The following KRT1 variants were observed in gnomAD, a reference collection of about 807,000 sequenced individuals.
KRT1 encodes keratin 1.
A neutral mutation model predicts 51.6 loss-of-function variants in KRT1; 28 were observed. The observed-to-expected ratio is 0.54, with a 90% CI of 0.40 to 0.74. The LOEUF (loss-of-function observed/expected upper bound fraction) is 0.74. Ranked by LOEUF, KRT1 falls within the 30% of genes least tolerant of loss-of-function variation. The pLI is 0.00. For synonymous variants in KRT1, 301 were observed against 307.7 expected (o/e 0.98, Z 0.23); for missense variants, 783 against 815.5 (o/e 0.96, Z 0.49).
chr12:52,675,111 A>C lies in KRT1; in HGVS notation c.*82T>G. Reference sequence around the variant, plus strand: ...AGCTCTTTTCTCCGGTAAGGCTGGGACAAATCGACCTCGGTCTTGCCAAGC... The same window carrying C: ...AGCTCTTTTCTCCGGTAAGGCTGGGCCAAATCGACCTCGGTCTTGCCAAGC... On this transcript the variant is annotated 3_prime_UTR_variant, in exon 9 of 9. Coordinates refer to ENST00000252244, the MANE Select transcript of KRT1 (RefSeq NM_006121.4). The C allele has an allele frequency of 1.3e-6, 2 of 1,548,478 alleles. No homozygotes were observed. Among genetic ancestry groups the C allele is most frequent in the Non-Finnish European group, 1.8e-6 (2 of 1,121,884 alleles).
chr12:52,679,801 T>C lies in KRT1; in HGVS notation c.548A>G (p.Gln183Arg). Residue 183 changes from glutamine to arginine, a missense_variant, in exon 1 of 9, where the codon CAA (glutamine) becomes CGA (arginine). Physicochemically the swap from Gln to Arg is conservative, Grantham distance 43. Coordinates refer to ENST00000252244, the MANE Select transcript of KRT1 (RefSeq NM_006121.4). ...AAATTGGTTGTTGAGTGACTTGATT[T>C]GCTCCCTTTCTCGAGACTTCACCTT... ...IQKVKSRERE[Q>R]IKSLNNQFAS... is the part of the protein sequence containing the mutation. The C allele has an allele frequency of 6.2e-7, 1 of 1,614,188 alleles. No individual in the cohort carries two copies.
Position 52,675,412 on chromosome 12 carries a change from G to T in KRT1, c.1716C>A (p.Gly572=). ...CGGAGCCGTAGCTGCCATGGCCGCC[G>T]CCGCCACCTCCAGAGCCATAGCTGC... ...GGGSYGSGGG[G]GGHGSYGSGS... Residue 572 remains glycine (G), a synonymous_variant, in exon 9 of 9, where the codon GGC becomes GGA. Coordinates refer to ENST00000252244, the MANE Select transcript of KRT1 (RefSeq NM_006121.4). 5 of 1,510,700 alleles carry T rather than the reference G, an allele frequency of 3.3e-6. No homozygotes were observed. The highest frequency in any genetic ancestry group is 2.4e-5 in the East Asian group (1 of 42,096). The allele number at this position is 1,510,700 out of a possible 1,614,324, so 93.6% of individuals were successfully genotyped here. A position where few individuals can be genotyped will look rare whatever the true frequency, so the allele number is the denominator to read the frequency against.
chr12:52,677,665 T>A lies in KRT1; in HGVS notation c.948A>T (p.Thr316=). The A allele has an allele frequency of 6.2e-7, 1 of 1,614,198 alleles. No individual in the cohort carries two copies. The highest frequency in any genetic ancestry group is 8.5e-7 in the Non-Finnish European group (1 of 1,180,010). ...DNLQQEIDFL[T]ALYQAELSQM... ...GAAGACTTACTGCTTGGTAGAGTGCTGTAAGGAAATCAATTTCCTGCTGCA... is the reference window on the plus strand; with the variant it reads ...GAAGACTTACTGCTTGGTAGAGTGCAGTAAGGAAATCAATTTCCTGCTGCA... Residue 316 remains threonine, a synonymous_variant, in exon 4 of 9, where the codon ACA becomes ACT. Coordinates refer to ENST00000252244, the MANE Select transcript of KRT1 (RefSeq NM_006121.4).
intron 4 of KRT1, 25 bp downstream of exon 4, chr12:52,677,625 A>C: frequency 6.2e-7 from 1 of 1,611,604 alleles, no homozygotes; most frequent in Admixed American, 1.7e-5. Context: ...ATTTAGATAA[A>C]CTTGGTTGAA....
chr12:52,680,154 C>T lies in KRT1; in HGVS notation c.195G>A (p.Arg65=), dbSNP rs947006013. 6.2e-7 allele frequency: 1 copy of T among 1,602,012 alleles called. No homozygotes were observed. Among genetic ancestry groups the T allele is most frequent in the South Asian group, 1.1e-5 (1 of 89,710 alleles). Residue 65 remains arginine (R), a synonymous_variant, in exon 1 of 9, where the codon CGG becomes CGA. Coordinates refer to ENST00000252244, the MANE Select transcript of KRT1 (RefSeq NM_006121.4). The part of the protein sequence containing the change: ...SFGAGGGFGS[R]SLVNLGGSKS... ...TACTGCCACCAAGGTTAACAAGACT[C>T]CGACTTCCAAATCCACCACCAGCAC... is the stretch of plus-strand genomic sequence containing the variant.
intron 1 of KRT1, 114 bp downstream of exon 1, chr12:52,679,644 T>A: frequency 1.1e-6 from 1 of 945,656 alleles, no homozygotes; most frequent in East Asian, 2.4e-5. Flanking sequence ...CCACAAAACA[T>A]CCTTTTAATC....
rs936205551 is a variant in KRT1, at chr12:52,677,068, G to A, written c.1245C>T (p.Val415=). 5.0e-6 allele frequency: 8 copies of A among 1,613,230 alleles called. No homozygotes were observed. The African/African-American group carries it at 1.1e-4, about 22-fold the overall frequency. Residue 415 remains valine (V), a synonymous_variant, in exon 6 of 9, where the codon GTC becomes GTT. Coordinates refer to ENST00000252244, the MANE Select transcript of KRT1 (RefSeq NM_006121.4). ...AGGAGAAAGCACATACCTGCTTCTT[G>A]ACATTGTCGATTTCAGATCTAAGTC... The part of the protein sequence containing the change: ...IQRLRSEIDN[V]KKQISNLQQS...
At chr12:52,676,240 G>A (rs981198329) in intron 7 of KRT1, 35 bp downstream of exon 7, 43 of 1,532,092 alleles carry the variant, frequency 2.8e-5, no homozygotes, top group Non-Finnish European at 3.6e-5. Context: ...GGAAGACCAT[G>A]AGAAGAGGTT....
chr12:52,679,936 C>G lies in KRT1; in HGVS notation c.413G>C (p.Gly138Ala). Residue 138 changes from glycine (G) to alanine (A), a missense_variant, in exon 1 of 9, where the codon GGA (glycine) becomes GCA (alanine). Coordinates refer to ENST00000252244, the MANE Select transcript of KRT1 (RefSeq NM_006121.4). ...GFGGGGFGGGGYGGGYGPVCP... is the reference protein window; with the variant it reads ...GFGGGGFGGGAYGGGYGPVCP... Reference sequence around the variant, plus strand: ...GACAGGACCATAACCACCCCCATATCCACCACCCCCAAAGCCACCTCCACC... The same window carrying G: ...GACAGGACCATAACCACCCCCATATGCACCACCCCCAAAGCCACCTCCACC... The G allele has an allele frequency of 6.2e-7, 1 of 1,613,540 alleles. No homozygotes were observed. The highest frequency in any genetic ancestry group is 8.5e-7 in the Non-Finnish European group (1 of 1,179,784).
intron 3 of KRT1, among the ~76,000 whole-genome samples, 200 bp downstream of exon 3, chr12:52,677,963 T>C (rs906566037): frequency 3.9e-5 from 6 of 152,104 alleles, no homozygotes; most frequent in Non-Finnish European, 5.9e-5. Context: ...ACTTACTATG[T>C]AAGGTGCTGG....
In KRT1 at chr12:52,676,344, A is replaced by C; in HGVS notation, c.1406T>G (p.Met469Arg). ...CAGATCCAGGGCCAGCTTTGTGTTC[A>C]TCAGCTCCTGGTAGTCGCGCAGCAG... ...ARLLRDYQELMNTKLALDLEI... is the reference protein window; with the variant it reads ...ARLLRDYQELRNTKLALDLEI... Residue 469 changes from methionine to arginine, a missense_variant, in exon 7 of 9, where the codon ATG becomes AGG. Met to Arg is a moderately conservative substitution (Grantham distance 91). Transcript: ENST00000252244. 1 of 1,614,114 alleles carries C rather than the reference A, an allele frequency of 6.2e-7. No individual in the cohort carries two copies. The highest frequency in any genetic ancestry group is 1.7e-5 in the Admixed American group (1 of 60,030).
chr12:52,677,728 A>T lies in KRT1; in HGVS notation c.885T>A (p.Tyr295Ter). The T allele has an allele frequency of 6.2e-7, 1 of 1,614,148 alleles. No homozygotes were observed. The highest frequency in any genetic ancestry group is 1.1e-5 in the South Asian group (1 of 91,078). The stretch of plus-strand genomic sequence containing the variant: ...TGGCCTGAAGGTCCACCTTGGTCAT[A>T]TAAGCACCATCCACATCCTAGAGGA... ...VTIKKDVDGA[Y>*]MTKVDLQAKL... The change falls in exon 4 of 9, where the codon TAT (tyrosine) becomes TAA (stop). Residue 295 changes from tyrosine (Y) to a stop codon, truncating the protein, a stop_gained. Transcript: ENST00000252244. LOFTEE classifies it high-confidence loss of function.
Position 52,676,447 on chromosome 12 carries a change from T to G in KRT1, c.1303A>C (p.Asn435His). The change falls in exon 7 of 9, where the codon AAT becomes CAT. Residue 435 changes from asparagine to histidine, a missense_variant. By Grantham distance (68) the Asn-to-His change is moderately conservative. Coordinates refer to ENST00000252244, the MANE Select transcript of KRT1 (RefSeq NM_006121.4). ...SISDAEQRGE[N>H]ALKDAKNKLN... ...TTGTTCTTGGCATCCTTGAGGGCAT[T>G]CTCGCCACGCTGCTCTGCATCACTG... 6.2e-7 allele frequency: 1 copy of G among 1,614,166 alleles called. No homozygotes were observed. Among genetic ancestry groups the G allele is most frequent in the Non-Finnish European group, 8.5e-7 (1 of 1,180,026 alleles).
At chr12:52,676,529 C>T (rs775473105) in intron 6 of KRT1, 34 bp from the exon 7 acceptor site, 1 of 1,604,850 alleles carries the variant, frequency 6.2e-7, no homozygotes, top group African/African-American at 1.3e-5. Context: ...TCATAATATG[C>T]ATTCCCCACT....
At chr12:52,678,045 A>G (rs1941536887) in intron 3 of KRT1, 118 bp downstream of exon 3, 2 of 956,594 alleles carry the variant, frequency 2.1e-6, no homozygotes, top group Admixed American at 1.9e-5. Context: ...CCCACTCCAT[A>G]TACTCCCCAG....
At position 52,676,468 on chromosome 12, in the gene KRT1, C is replaced by A. The variant is rs1286833438; in HGVS notation, c.1282G>T (p.Asp428Tyr). The A allele has an allele frequency of 1.9e-6, 3 of 1,614,090 alleles. No homozygotes were observed. The African/African-American group carries it at 4.0e-5, about 22-fold the overall frequency. ...GCATTCTCGCCACGCTGCTCTGCAT[C>A]ACTGATGGACTGCTGCAAGTTGGAG... The part of the protein sequence containing the change: ...QISNLQQSIS[D>Y]AEQRGENALK... The change falls in exon 7 of 9, where the codon GAT becomes TAT. Residue 428 changes from aspartate (D) to tyrosine (Y), a missense_variant. Transcript: ENST00000252244.
Position 52,680,391 on chromosome 12 carries a change from G to T in KRT1, c.-43C>A. ...TAGGAGCAAGGTAGAGTAAGGGAAG[G>T]AGCTAAACACTCCTCTACCCCAAGC... On this transcript the variant is annotated 5_prime_UTR_variant, in exon 1 of 9. Coordinates refer to ENST00000252244, the MANE Select transcript of KRT1 (RefSeq NM_006121.4). The T allele has an allele frequency of 6.4e-7, 1 of 1,556,422 alleles. No homozygotes were observed. Among genetic ancestry groups the T allele is most frequent in the Non-Finnish European group, 8.8e-7 (1 of 1,131,092 alleles).
rs757610672 is a variant in KRT1, at chr12:52,675,335, C to A, written c.1793G>T (p.Ser598Ile). 9 of 1,610,276 alleles carry A rather than the reference C, an allele frequency of 5.6e-6. No individual in the cohort carries two copies. In the South Asian group the frequency reaches 9.9e-5, roughly 18 times the overall value. ...RGGSGGGGGG[S>I]SGGRGSGGGS... ...GCCGCCAGAGCCCCGGCCGCCAGAGCTGCCGCCGCCGCCGCCTCCAGAGCC... is the reference window on the plus strand; with the variant it reads ...GCCGCCAGAGCCCCGGCCGCCAGAGATGCCGCCGCCGCCGCCTCCAGAGCC... The change falls in exon 9 of 9, where the codon AGC becomes ATC. Residue 598 changes from serine to isoleucine, a missense_variant. Coordinates refer to ENST00000252244, the MANE Select transcript of KRT1 (RefSeq NM_006121.4).
Position 52,675,385 on chromosome 12 carries a change from T to G in KRT1, c.1743A>C (p.Gly581=), listed in dbSNP as rs1941484215. 2 of 1,600,852 alleles carry G rather than the reference T, an allele frequency of 1.2e-6. No homozygotes were observed. Among genetic ancestry groups the G allele is most frequent in the Non-Finnish European group, 1.7e-6 (2 of 1,176,182 alleles). The change falls in exon 9 of 9, where the codon GGA becomes GGC. Residue 581 remains glycine (G), a synonymous_variant. Coordinates refer to ENST00000252244, the MANE Select transcript of KRT1 (RefSeq NM_006121.4). ...CACCTCTGTAGCCCCCACTGCTGCT[T>G]CCGGAGCCGTAGCTGCCATGGCCGC... ...GGGGHGSYGS[G]SSSGGYRGGS...
Sources: gnomAD v4.1 joint callset for allele counts (sites outside exome capture counted in the v4.1 genomes callset) on GRCh38, gnomAD v4.1.1 for gene constraint, MANE v1.5 for transcripts, NCBI Gene and HGNC (gene_info 2026-07-23, HGNC 2026-07-21) for gene names.